Variants in IGSF11 observed in about 807,000 individuals in gnomAD.
IGSF11 encodes CXADR like 1.
In IGSF11, 22 loss-of-function variants were observed where a neutral mutation model predicts 41.0. The ratio of observed to expected loss-of-function variants is 0.54; its 90% CI spans 0.38 to 0.77. The LOEUF is 0.77. Ranked by LOEUF, IGSF11 falls within the 30% of genes least tolerant of loss-of-function variation. The probability of loss-of-function intolerance (pLI) is 0.00; values close to 1 mark genes in which losing one functional copy is unlikely to be tolerated. For missense variants in IGSF11, 444 were observed against 530.8 expected (o/e 0.84, Z 1.61); for synonymous variants, 219 against 201.3 (o/e 1.09, Z -0.74).
At chr3:119,086,466 A>T (rs1401130005) in intron 1 of IGSF11, among the ~76,000 whole-genome samples, 2 of 151,864 alleles carry the variant, frequency 1.3e-5, no homozygotes, top group African/African-American at 4.9e-5. Context: ...ACAAAAGAAA[A>T]AGTCCAAGTT....
At chr3:119,056,147 C>CAA (rs571764252) in intron 1 of IGSF11, among the ~76,000 whole-genome samples, 7 of 151,102 alleles carry the variant, frequency 4.6e-5, no homozygotes, top group African/African-American at 1.7e-4. Flanking sequence ...GAAATAGAGA[C>CAA]AAAAAAAACC....
chr3:119,034,273 G>A (rs1246160251), intron 1 of IGSF11, among the ~76,000 whole-genome samples: 1 of 152,214 alleles, frequency 6.6e-6, no homozygotes, highest in Non-Finnish European at 1.5e-5. Context: ...TGAGAGTCAG[G>A]GCCCGGCCTG....
At chr3:119,046,788 A>G (rs1344042334) in intron 1 of IGSF11, among the ~76,000 whole-genome samples, 2 of 152,054 alleles carry the variant, frequency 1.3e-5, no homozygotes, top group African/African-American at 4.8e-5. Context: ...TCAGACTAAC[A>G]GCGGATCTCT....
intron 1 of IGSF11, among the ~76,000 whole-genome samples, chr3:119,010,564 T>C (rs988407469): frequency 6.6e-6 from 1 of 152,040 alleles, no homozygotes; most frequent in African/African-American, 2.4e-5. Context: ...GAAGGGTGAA[T>C]TAAACTCTCT....
rs966852407 is a variant in IGSF11, at chr3:119,032,208, T to C, written c.52+2323A>G. 3.3e-5 allele frequency among the ~76,000 whole-genome samples: 5 copies of C among 152,338 alleles called. No homozygotes were observed. The South Asian group carries it at 6.2e-4, about 19-fold the overall frequency. ...TGGCCACTGCTATTGGTTATTTACC[T>C]AGCATCCATTTCCCTTTACCCCTTT... is the stretch of plus-strand genomic sequence containing the variant. On this transcript the variant is annotated intron_variant, in intron 1 of 6. Transcript: ENST00000393775.
intron 1 of IGSF11, among the ~76,000 whole-genome samples, chr3:119,001,061 C>A (rs138725797): frequency 6.6e-6 from 1 of 152,264 alleles, no homozygotes; most frequent in Non-Finnish European, 1.5e-5. Context: ...GCTTCCACCT[C>A]AGGACCTTTG....
At chr3:119,118,618 A>G (rs926555376) in intron 1 of IGSF11, among the ~76,000 whole-genome samples, 1 of 152,218 alleles carries the variant, frequency 6.6e-6, no homozygotes, top group Non-Finnish European at 1.5e-5. Flanking sequence ...AATGATTAAC[A>G]TTCAGCTCCT....
At chr3:119,065,700 G>A (rs1254898249) in intron 1 of IGSF11, among the ~76,000 whole-genome samples, 2 of 149,938 alleles carry the variant, frequency 1.3e-5, no homozygotes, top group Non-Finnish European at 2.9e-5. Context: ...GGCTGAAACA[G>A]GAGAATTGCT....
At chr3:119,102,069 T>C (rs2076947872) in intron 1 of IGSF11, among the ~76,000 whole-genome samples, 2 of 152,210 alleles carry the variant, frequency 1.3e-5, no homozygotes, top group South Asian at 4.1e-4. Flanking sequence ...TTCCACTTTG[T>C]CAGAGTTTAT....
intron 1 of IGSF11, among the ~76,000 whole-genome samples, chr3:119,074,511 G>A (rs1045415402): frequency 6.6e-6 from 1 of 151,742 alleles, no homozygotes; most frequent in African/African-American, 2.4e-5. Context: ...CACAGTTAAA[G>A]CAGTGTTAAG....
At chr3:118,922,895 TTGCTGTTCTCAAGAATAACTATAGAACA>T (rs1331989974) in intron 4 of IGSF11, among the ~76,000 whole-genome samples, 1 of 152,126 alleles carries the variant, frequency 6.6e-6, no homozygotes, top group South Asian at 2.1e-4. Context: ...ACTTTCTTGC[TTGCTGTTCTCAAGAATAACTATAGAACA>T]TGCTGGGAAT....
At chr3:118,986,874 C>T (rs895573635) in intron 1 of IGSF11, among the ~76,000 whole-genome samples, 2 of 152,158 alleles carry the variant, frequency 1.3e-5, no homozygotes, top group African/African-American at 2.4e-5. Flanking sequence ...TCACAACTTC[C>T]TCTTTTCTCC....
chr3:119,010,531 C>T (rs1387862946), intron 1 of IGSF11, among the ~76,000 whole-genome samples: 8 of 151,934 alleles, frequency 5.3e-5, no homozygotes, highest in South Asian at 2.1e-4. Flanking sequence ...CATTTAGGGC[C>T]GAAATAAAAA....
At chr3:119,122,153 A>C (rs1014068298) in intron 1 of IGSF11, among the ~76,000 whole-genome samples, 2 of 152,212 alleles carry the variant, frequency 1.3e-5, no homozygotes, top group Non-Finnish European at 2.9e-5. Context: ...AGGCACTGAA[A>C]AGGGCAGGAA....
intron 1 of IGSF11, among the ~76,000 whole-genome samples, chr3:119,080,284 T>C (rs2076567188): frequency 6.6e-6 from 1 of 152,192 alleles, no homozygotes; most frequent in Non-Finnish European, 1.5e-5. Context: ...GGAAACATTT[T>C]TTCTTTATTC....
chr3:119,097,330 A>C (rs569181882), intron 1 of IGSF11, among the ~76,000 whole-genome samples: 4 of 152,278 alleles, frequency 2.6e-5, no homozygotes, highest in South Asian at 2.1e-4. Flanking sequence ...TAATTATGGC[A>C]TCTCTCTGCT....
At chr3:119,076,336 A>C (rs2076498863) in intron 1 of IGSF11, among the ~76,000 whole-genome samples, 2 of 152,374 alleles carry the variant, frequency 1.3e-5, no homozygotes, top group South Asian at 4.1e-4. Flanking sequence ...AATACCATTT[A>C]GGACATAGGC....
intron 1 of IGSF11, among the ~76,000 whole-genome samples, chr3:119,094,469 A>G (rs2076817124): frequency 6.6e-6 from 1 of 151,948 alleles, no homozygotes; most frequent in Non-Finnish European, 1.5e-5. Flanking sequence ...GACAGATGTA[A>G]CAACAGAATC....
intron 1 of IGSF11, among the ~76,000 whole-genome samples, chr3:118,965,791 T>C (rs1270680986): frequency 6.6e-6 from 1 of 152,106 alleles, no homozygotes; most frequent in Non-Finnish European, 1.5e-5. Context: ...CCCTGCAAAA[T>C]GTATGTTATG....
Sources: gnomAD v4.1 joint callset for allele counts (sites outside exome capture counted in the v4.1 genomes callset) on GRCh38, gnomAD v4.1.1 for gene constraint, MANE v1.5 for transcripts, NCBI Gene and HGNC (gene_info 2026-07-23, HGNC 2026-07-21) for gene names.